Variants in TCF7L1 observed in about 807,000 individuals in gnomAD.
TCF7L1 encodes the protein transcription factor 7 like 1, also known as transcription factor 7-like 1.
A neutral mutation model predicts 63.7 loss-of-function variants in TCF7L1; 18 were observed. The observed-to-expected ratio is 0.28, with a 90% CI of 0.20 to 0.42. The LOEUF (loss-of-function observed/expected upper bound fraction) is 0.42. Ranked by LOEUF, TCF7L1 falls within the 10% of genes least tolerant of loss-of-function variation. The pLI, the probability that TCF7L1 is intolerant of heterozygous loss-of-function variation, is 1.00. For synonymous variants in TCF7L1, 355 were observed against 340.9 expected, an observed-to-expected ratio of 1.04 and a Z score of -0.46; for missense variants, 654 against 779.3, an observed-to-expected ratio of 0.84 and a Z score of 1.91.
At chr2:85,189,143 A>G (rs1678994206) in intron 3 of TCF7L1, among the ~76,000 whole-genome samples, 1 of 152,208 alleles carries the variant, frequency 6.6e-6, no homozygotes, top group Non-Finnish European at 1.5e-5. Context: ...AAGCAATTAA[A>G]AGAATTCCAG....
chr2:85,153,291 T>C (rs1011010838), intron 3 of TCF7L1, among the ~76,000 whole-genome samples: 2 of 152,028 alleles, frequency 1.3e-5, no homozygotes, highest in Non-Finnish European at 2.9e-5. Flanking sequence ...GATAAACTCA[T>C]TATCTGTTTT....
intron 3 of TCF7L1, among the ~76,000 whole-genome samples, chr2:85,198,355 T>C (rs1054379504): frequency 6.6e-6 from 1 of 152,198 alleles, no homozygotes; most frequent in Admixed American, 6.5e-5. Flanking sequence ...CACCATCTCA[T>C]GTGCACTCCT....
At chr2:85,173,650 G>A in intron 3 of TCF7L1, among the ~76,000 whole-genome samples, 1 of 152,168 alleles carries the variant, frequency 6.6e-6, no homozygotes, top group East Asian at 1.9e-4. Context: ...AGCCTCCTGA[G>A]CAGTTGGAAC....
At chr2:85,269,749 G>A (rs532265679) in intron 3 of TCF7L1, among the ~76,000 whole-genome samples, 6 of 152,280 alleles carry the variant, frequency 3.9e-5, no homozygotes, top group African/African-American at 1.2e-4. Flanking sequence ...TCCACTGTCC[G>A]TCATAACTTC....
At position 85,297,635 on chromosome 2, in the gene TCF7L1, G is replaced by A. The variant is rs148338059; in HGVS notation, c.526-4849G>A. ...AGTCCAGGAGCTCAAGACCAGCCTG[G>A]GTAACATGGCAAACCCCCATCTCTA... On this transcript the variant is annotated intron_variant, in intron 4 of 11. Transcript: ENST00000282111. Among the ~76,000 whole-genome samples the A allele has an allele frequency of 5.1e-3, 780 of 152,172 alleles. 8 individuals are homozygous for A. Among genetic ancestry groups the A allele is most frequent in the African/African-American group, 0.018 (743 of 41,524 alleles).
At chr2:85,165,772 G>C (rs1678402475) in intron 3 of TCF7L1, among the ~76,000 whole-genome samples, 1 of 152,168 alleles carries the variant, frequency 6.6e-6, no homozygotes. Flanking sequence ...GATAGACTTA[G>C]GTTGCAAAAA....
At chr2:85,268,368 T>A (rs1681060270) in intron 3 of TCF7L1, among the ~76,000 whole-genome samples, 1 of 152,102 alleles carries the variant, frequency 6.6e-6, no homozygotes, top group Admixed American at 6.5e-5. Context: ...ACCTCTAATT[T>A]GGTTAATCCT....
intron 3 of TCF7L1, among the ~76,000 whole-genome samples, chr2:85,245,345 G>A (rs1680435135): frequency 1.3e-5 from 2 of 152,166 alleles, no homozygotes; most frequent in African/African-American, 4.8e-5. Context: ...TTGGATGGAG[G>A]GCCGAAGGCA....
intron 4 of TCF7L1, among the ~76,000 whole-genome samples, chr2:85,296,098 T>C (rs1681835254): frequency 6.6e-6 from 1 of 152,164 alleles, no homozygotes; most frequent in African/African-American, 2.4e-5. Flanking sequence ...ACTTTTCATG[T>C]CATTATCTTA....
At chr2:85,304,547 C>A (rs1211276229) in intron 7 of TCF7L1, among the ~76,000 whole-genome samples, 3 of 152,094 alleles carry the variant, frequency 2.0e-5, no homozygotes, top group African/African-American at 4.8e-5. Context: ...ATCTCTCCAA[C>A]AGAAGGATTG....
At chr2:85,159,934 C>T (rs1407440441) in intron 3 of TCF7L1, among the ~76,000 whole-genome samples, 2 of 152,158 alleles carry the variant, frequency 1.3e-5, no homozygotes, top group African/African-American at 2.4e-5. Flanking sequence ...GCTCCCTGAC[C>T]GATGCCCACT....
In TCF7L1 at chr2:85,306,558, A is replaced by G; in HGVS notation, c.1256A>G (p.Tyr419Cys). ...LYPTWSARDNYGKKKKRKREK... is the reference protein window; with the variant it reads ...LYPTWSARDNCGKKKKRKREK... ...CCAACCTGGTCAGCCCGGGACAACTATGTAAGTGCACACTCTGGGCAGAGG... is the reference window on the plus strand; with the variant it reads ...CCAACCTGGTCAGCCCGGGACAACTGTGTAAGTGCACACTCTGGGCAGAGG... The change falls in exon 10 of 12, where the codon TAT becomes TGT. Residue 419 changes from tyrosine (Y) to cysteine (C), a missense_variant and splice_region_variant. By Grantham distance (194) the Tyr-to-Cys change is radical. This residue lies in a region of TCF7L1 where 66 missense variants were observed against 120.5 expected (regional missense o/e 0.55). Coordinates refer to ENST00000282111, the MANE Select transcript of TCF7L1 (RefSeq NM_031283.3). The surrounding 1 kb of genome is among the most constrained non-coding windows in gnomAD (Gnocchi z 4.3). 6.2e-7 allele frequency: 1 copy of G among 1,614,092 alleles called. No individual in the cohort carries two copies. The highest frequency in any genetic ancestry group is 8.5e-7 in the Non-Finnish European group (1 of 1,179,932).
At chr2:85,258,293 C>T (rs898627210) in intron 3 of TCF7L1, among the ~76,000 whole-genome samples, 1 of 152,174 alleles carries the variant, frequency 6.6e-6, no homozygotes, top group Non-Finnish European at 1.5e-5. Flanking sequence ...CCACTTCCTT[C>T]CTGACCAGGC....
chr2:85,294,026 ATTTTTTTTTTTT>A lies in TCF7L1; in HGVS notation c.526-8441_526-8430del, dbSNP rs774050758. On this transcript the variant is annotated intron_variant, in intron 4 of 11. Coordinates refer to ENST00000282111, the MANE Select transcript of TCF7L1 (RefSeq NM_031283.3). ...ATTTAGGTGTGGCCTGAACACTGGG[ATTTTTTTTTTTT>A]TTTTTTTTTTTTTTTTGAGATGGGG... is the stretch of plus-strand genomic sequence containing the variant. Among the ~76,000 whole-genome samples, 28 of 59,488 alleles carry A rather than the reference ATTTTTTTTTTTT, an allele frequency of 4.7e-4. No individual in the cohort carries two copies. The East Asian group carries it at 0.02, about 42-fold the overall frequency. 39.0% of individuals were successfully genotyped at this position (59,488 alleles called of 152,430 possible).
intron 11 of TCF7L1, among the ~76,000 whole-genome samples, chr2:85,308,497 C>CCT (rs1431637786): frequency 3.4e-5 from 4 of 118,316 alleles, no homozygotes; most frequent in Admixed American, 8.7e-5. Context: ...CTCCCTTCCC[C>CCT]CCCTCCCTTT....
intron 3 of TCF7L1, among the ~76,000 whole-genome samples, chr2:85,159,918 C>A (rs998504057): frequency 6.6e-6 from 1 of 152,196 alleles, no homozygotes; most frequent in South Asian, 2.1e-4. Flanking sequence ...CCCCTCCTGT[C>A]CCCAGGCTCC....
intron 3 of TCF7L1, among the ~76,000 whole-genome samples, chr2:85,151,811 T>C (rs1678022798): frequency 6.6e-6 from 1 of 152,318 alleles, no homozygotes; most frequent in Middle Eastern, 3.4e-3. Context: ...ATTGAAGCCA[T>C]ATGTGGCCCA....
chr2:85,192,349 T>G (rs796512761), intron 3 of TCF7L1, among the ~76,000 whole-genome samples: 16 of 152,342 alleles, frequency 1.1e-4, no homozygotes, highest in African/African-American at 3.6e-4. Context: ...CAGTATGTAT[T>G]AAATGAGATG....
chr2:85,155,825 T>G (rs1482724402), intron 3 of TCF7L1, among the ~76,000 whole-genome samples: 4 of 151,970 alleles, frequency 2.6e-5, no homozygotes, highest in African/African-American at 9.7e-5. Context: ...ACTCTAACAT[T>G]GTTAGTTACA....
Sources: allele counts gnomAD v4.1 joint callset (sites outside exome capture counted in the v4.1 genomes callset), GRCh38; gene constraint gnomAD v4.1.1; regional missense constraint gnomAD v4.1.1; non-coding constraint Gnocchi (gnomAD v3.1); transcripts MANE v1.5; gene names NCBI Gene and HGNC (gene_info 2026-07-23, HGNC 2026-07-21).